The following ANKRD17 variants were observed in gnomAD, a reference collection of about 807,000 sequenced individuals.
The protein encoded by ANKRD17 is ankyrin repeat domain 17.
A neutral mutation model predicts 229.7 loss-of-function variants in ANKRD17; 19 were observed. The observed-to-expected ratio is 0.08, with a 90% confidence interval of 0.06 to 0.12. The LOEUF (loss-of-function observed/expected upper bound fraction) is 0.12, where lower values mean the gene tolerates loss of function less well. Among genes scored for constraint, ANKRD17 ranks in the 10% least tolerant of loss-of-function variants. The pLI is 1.00. For missense variants in ANKRD17, 2,176 were observed against 3,176.8 expected (o/e 0.68, Z 7.57); for synonymous variants, 1,112 against 1,146.1 (o/e 0.97, Z 0.60).
intron 31 of ANKRD17, among the ~76,000 whole-genome samples, chr4:73,078,250 G>A (rs1260185317): frequency 3.3e-5 from 5 of 152,188 alleles, no homozygotes; most frequent in South Asian, 2.1e-4. Flanking sequence ...GGTGGCGGGC[G>A]CCTGTAGTCT....
At chr4:73,127,838 G>A (rs986608314) in intron 16 of ANKRD17, among the ~76,000 whole-genome samples, 1 of 152,164 alleles carries the variant, frequency 6.6e-6, no homozygotes, top group Non-Finnish European at 1.5e-5. Flanking sequence ...CTCCCAGAAT[G>A]TAAATAACTC....
At chr4:73,173,880 G>C (rs1734366549) in intron 2 of ANKRD17, among the ~76,000 whole-genome samples, 1 of 152,132 alleles carries the variant, frequency 6.6e-6, no homozygotes, top group South Asian at 2.1e-4. Context: ...GCAGCTAGCA[G>C]AATTAGGGAG....
At chr4:73,246,373 T>C (rs1376956630) in intron 1 of ANKRD17, among the ~76,000 whole-genome samples, 1 of 152,230 alleles carries the variant, frequency 6.6e-6, no homozygotes, top group African/African-American at 2.4e-5. Context: ...TATTGCTTTA[T>C]AGATCACTAG....
chr4:73,168,811 G>T (rs1733583448), intron 2 of ANKRD17: 2 of 152,146 alleles, frequency 1.3e-5, no homozygotes, highest in African/African-American at 2.4e-5. Context: ...AGGTACAGCG[G>T]GTATACATGC....
At chr4:73,165,345 A>G (rs1733087435) in intron 2 of ANKRD17, among the ~76,000 whole-genome samples, 1 of 152,228 alleles carries the variant, frequency 6.6e-6, no homozygotes, top group South Asian at 2.1e-4. Flanking sequence ...TAAAGAAACC[A>G]AACTAGAAAG....
At chr4:73,111,182 T>C (rs1725272773) in intron 24 of ANKRD17, among the ~76,000 whole-genome samples, 2 of 152,218 alleles carry the variant, frequency 1.3e-5, no homozygotes, top group Admixed American at 6.5e-5. Flanking sequence ...AAACCCATGA[T>C]AAAATTTAAT....
In ANKRD17 at chr4:73,258,795, T is replaced by TACTGCCGCC. The variant is rs1745735275; in HGVS notation, c.-128_-127insGGCGGCAGT. 2 of 1,193,768 alleles carry TACTGCCGCC rather than the reference T, an allele frequency of 1.7e-6. No individual in the cohort carries two copies. The highest frequency in any genetic ancestry group is 2.1e-6 in the Non-Finnish European group (2 of 961,184). 73.9% of individuals were successfully genotyped at this position (1,193,768 alleles called of 1,614,324 possible). A position where few individuals can be genotyped will look rare whatever the true frequency, so the allele number is the denominator to read the frequency against. ...CCGCCGCCACCGCCTCGGTCACCTC[T>TACTGCCGCC]ACTGCCGCCGCCGCCGCCGCCGCTC... On this transcript the variant is annotated 5_prime_UTR_variant, in exon 1 of 34. Coordinates refer to ENST00000358602, the MANE Select transcript of ANKRD17 (RefSeq NM_032217.5).
intron 31 of ANKRD17, among the ~76,000 whole-genome samples, chr4:73,078,099 C>T (rs971263933): frequency 3.9e-5 from 6 of 151,988 alleles, no homozygotes; most frequent in African/African-American, 1.2e-4. Context: ...AAAATACAGG[C>T]GGGGCACAGT....
At chr4:73,107,835 T>C (rs1168603589) in intron 24 of ANKRD17, among the ~76,000 whole-genome samples, 1 of 152,112 alleles carries the variant, frequency 6.6e-6, no homozygotes, top group Admixed American at 6.5e-5. Context: ...AAAGTCATTG[T>C]CGGGCTCTGA....
At chr4:73,176,346 T>C (rs1734732411) in intron 2 of ANKRD17, among the ~76,000 whole-genome samples, 1 of 152,128 alleles carries the variant, frequency 6.6e-6, no homozygotes, top group Non-Finnish European at 1.5e-5. Flanking sequence ...TCATATACTA[T>C]TGGTGAGAAT....
At position 73,149,162 on chromosome 4, in the gene ANKRD17, G is replaced by A. The variant is rs1449344276; in HGVS notation, c.1330-112C>T. ...AAGTTTATCTATCTCCACTCAAAAA[G>A]GAATAGAGCTACATTTAACAGTTGA... On this transcript the variant is annotated intron_variant, in intron 7 of 33. Transcript: ENST00000358602. The A allele has an allele frequency of 8.7e-6, 7 of 806,526 alleles. No individual in the cohort carries two copies. In the East Asian group the frequency reaches 1.9e-4, roughly 22 times the overall value. 50.0% of individuals were successfully genotyped at this position (806,526 alleles called of 1,614,324 possible).
chr4:73,203,601 C>T (rs1712717841), intron 1 of ANKRD17, among the ~76,000 whole-genome samples: 1 of 151,024 alleles, frequency 6.6e-6, no homozygotes, highest in African/African-American at 2.4e-5. Context: ...ACTAAAAATA[C>T]GAAAAAATTA....
At chr4:73,185,517 T>A (rs1490958648) in intron 1 of ANKRD17, among the ~76,000 whole-genome samples, 2 of 152,026 alleles carry the variant, frequency 1.3e-5, no homozygotes, top group African/African-American at 4.8e-5. Flanking sequence ...AATTTTAAGA[T>A]CTCTTAATAA....
At chr4:73,181,476 C>T (rs1393348288) in intron 1 of ANKRD17, among the ~76,000 whole-genome samples, 1 of 152,052 alleles carries the variant, frequency 6.6e-6, no homozygotes, top group African/African-American at 2.4e-5. Context: ...AGAAAGAGCT[C>T]GCGTTACATT....
intron 1 of ANKRD17, among the ~76,000 whole-genome samples, chr4:73,179,423 CAT>C (rs1270046028): frequency 5.0e-4 from 50 of 100,958 alleles, no homozygotes; most frequent in African/African-American, 1.6e-3. Flanking sequence ...TATGTGTGTG[CAT>C]ATATGTGTGT....
intron 3 of ANKRD17, among the ~76,000 whole-genome samples, chr4:73,158,924 C>T (rs781635205): frequency 3.7e-4 from 57 of 152,320 alleles, no homozygotes; most frequent in Non-Finnish European, 5.7e-4. Context: ...GACTTCTCAG[C>T]CTCCATAATT....
In ANKRD17 at chr4:73,085,457, G is replaced by A; in HGVS notation, c.6962-11C>T. 1.2e-6 allele frequency: 2 copies of A among 1,604,862 alleles called. No individual in the cohort carries two copies. The highest frequency in any genetic ancestry group is 1.7e-6 in the Non-Finnish European group (2 of 1,171,826). ...CCATATTGACAATACCTATAATGTA[G>A]AAGGTCATCATAATTTATAATAGTT... is the stretch of plus-strand genomic sequence containing the variant. On this transcript the variant is annotated splice_polypyrimidine_tract_variant and intron_variant, in intron 29 of 33. Coordinates refer to ENST00000358602, the MANE Select transcript of ANKRD17 (RefSeq NM_032217.5).
intron 15 of ANKRD17, 105 bp downstream of exon 15, chr4:73,139,426 T>C: frequency 1.5e-6 from 2 of 1,336,766 alleles, no homozygotes; most frequent in Non-Finnish European, 2.0e-6. Context: ...CATGAGTCAG[T>C]CCAAAAATAG....
intron 13 of ANKRD17, among the ~76,000 whole-genome samples, 162 bp from the exon 14 acceptor site, chr4:73,142,005 CACG>C (rs1330631520): frequency 6.6e-6 from 1 of 151,900 alleles, no homozygotes; most frequent in East Asian, 1.9e-4. Flanking sequence ...AATTGTTTAC[CACG>C]ACATTTTTTA....
Sources: allele counts gnomAD v4.1 joint callset (sites outside exome capture counted in the v4.1 genomes callset), GRCh38; gene constraint gnomAD v4.1.1; transcripts MANE v1.5; gene names NCBI Gene and HGNC (gene_info 2026-07-23, HGNC 2026-07-21).